Variants in ADAMTS15 observed in about 807,000 individuals in gnomAD.
ADAMTS15 encodes ADAM metallopeptidase with thrombospondin type 1 motif 15.
A neutral mutation model predicts 79.1 loss-of-function variants in ADAMTS15; 35 were observed. The ratio of observed to expected loss-of-function variants is 0.44; its 90% CI spans 0.34 to 0.59. The LOEUF is 0.59. ADAMTS15 is among the 20% of genes least tolerant of loss of function. The pLI, the probability that ADAMTS15 is intolerant of heterozygous loss-of-function variation, is 0.02. For synonymous variants in ADAMTS15, 616 were observed against 567.3 expected, an observed-to-expected ratio of 1.09 and a Z score of -1.22; for missense variants, 1,324 against 1,318.7, an observed-to-expected ratio of 1.00 and a Z score of -0.06.
At position 130,462,070 on chromosome 11, in the gene ADAMTS15, C is replaced by T. The variant is rs1421999710; in HGVS notation, c.1091-17C>T. ...TCCTTCCTCCTGCCCTCTCAGTCCT[C>T]TTGCCTTACCCCACAGGCCACGTGT... On this transcript the variant is annotated splice_polypyrimidine_tract_variant and intron_variant, in intron 2 of 7. Transcript: ENST00000299164. The surrounding 1 kb of genome is among the most constrained non-coding windows in gnomAD (Gnocchi z 4.3). 1.5e-5 allele frequency: 24 copies of T among 1,607,136 alleles called. No individual in the cohort carries two copies. The highest frequency in any genetic ancestry group is 2.0e-5 in the Non-Finnish European group (23 of 1,175,374).
intron 4 of ADAMTS15, among the ~76,000 whole-genome samples, chr11:130,463,627 A>G (rs1240345540): frequency 6.6e-6 from 1 of 152,172 alleles, no homozygotes; most frequent in South Asian, 2.1e-4. Context: ...CACATTATCA[A>G]TTGCCCTGAG....
intron 5 of ADAMTS15, among the ~76,000 whole-genome samples, chr11:130,470,158 A>ACATG (rs1203509179): frequency 2.0e-5 from 1 of 50,036 alleles, no homozygotes; most frequent in African/African-American, 1.1e-4. Flanking sequence ...ATATGTGTAT[A>ACATG]TATATATATA....
rs558950716 is a variant in ADAMTS15, at chr11:130,472,680, C to CCCTCCTCCTCCTCCT, written c.2079-353_2079-339dup. On this transcript the variant is annotated intron_variant, in intron 7 of 7. Coordinates refer to ENST00000299164, the MANE Select transcript of ADAMTS15 (RefSeq NM_139055.4). This position sits in a 1 kb window ranked among gnomAD's most constrained non-coding sequence, Gnocchi z 4.7. The stretch of plus-strand genomic sequence containing the variant: ...GGTGGACTTACTCCTCCCGCCCCAC[C>CCCTCCTCCTCCTCCT]CCTCCTCCTCCTCCTCCTCCTCCTC... Among the ~76,000 whole-genome samples, 83 of 144,440 alleles carry CCCTCCTCCTCCTCCT rather than the reference C, an allele frequency of 5.7e-4. No homozygotes were observed. The highest frequency in any genetic ancestry group is 2.2e-3 in the African/African-American group (82 of 36,792). The allele number at this position is 144,440 out of a possible 152,430, so 94.8% of individuals were successfully genotyped here.
At position 130,474,343 on chromosome 11, in the gene ADAMTS15, C is replaced by T. The variant is rs1565400592; in HGVS notation, c.*522C>T. 1 of 153,152 alleles carries T rather than the reference C, an allele frequency of 6.5e-6. No homozygotes were observed. Among genetic ancestry groups the T allele is most frequent in the Non-Finnish European group, 1.5e-5 (1 of 68,772 alleles). The allele number at this position is 153,152 out of a possible 1,614,324, so 9.5% of individuals were successfully genotyped here. A position where few individuals can be genotyped will look rare whatever the true frequency, so the allele number is the denominator to read the frequency against. On this transcript the variant is annotated 3_prime_UTR_variant, in exon 8 of 8. Transcript: ENST00000299164. ...AAGCTGGCTGGGGCTGGGCAGAAGC[C>T]ACGGGGAGAGTGAGATTAGGGCCCC...
In ADAMTS15 at chr11:130,449,752, A is replaced by G. The variant is rs368298830; in HGVS notation, c.779A>G (p.Asn260Ser). The stretch of plus-strand genomic sequence containing the variant: ...CTCTACCGCCATCCCAGCATCCTCA[A>G]CCCCATCAACATCGTTGTGGTCAAG... Reference protein sequence around the residue: ...ARLYRHPSILNPINIVVVKVL... With the variant: ...ARLYRHPSILSPINIVVVKVL... The change falls in exon 1 of 8, where the codon AAC (asparagine) becomes AGC (serine). Residue 260 changes from asparagine to serine, a missense_variant. Transcript: ENST00000299164. The surrounding 1 kb of genome is among the most constrained non-coding windows in gnomAD (Gnocchi z 7.8). 1.2e-6 allele frequency: 2 copies of G among 1,612,636 alleles called. No individual in the cohort carries two copies. Among genetic ancestry groups the G allele is most frequent in the African/African-American group, 2.7e-5 (2 of 74,886 alleles).
chr11:130,470,960 C>T lies in ADAMTS15; in HGVS notation c.1761C>T (p.Phe587=), dbSNP rs757668783. ...TCCGGGAGGAGCAGTGTGAGGCTTT[C>T]AACGGCTACAACCACAGCACCAACC... ...KSFREEQCEA[F]NGYNHSTNRL... The change falls in exon 6 of 8, where the codon TTC becomes TTT. Residue 587 remains phenylalanine (F), a synonymous_variant. Coordinates refer to ENST00000299164, the MANE Select transcript of ADAMTS15 (RefSeq NM_139055.4). The T allele has an allele frequency of 6.2e-7, 1 of 1,613,906 alleles. No homozygotes were observed. The highest frequency in any genetic ancestry group is 1.1e-5 in the South Asian group (1 of 91,082).
intron 4 of ADAMTS15, among the ~76,000 whole-genome samples, chr11:130,466,629 A>T (rs1938304879): frequency 6.6e-6 from 1 of 152,170 alleles, no homozygotes; most frequent in South Asian, 2.1e-4. Context: ...GGATTAATGC[A>T]GTTGCCTCCA....
intron 1 of ADAMTS15, among the ~76,000 whole-genome samples, chr11:130,454,729 C>G (rs1406788311): frequency 6.6e-6 from 1 of 152,084 alleles, no homozygotes. Context: ...ATGTTGGTTC[C>G]CTGTCGTGCA....
intron 5 of ADAMTS15, 111 bp downstream of exon 5, chr11:130,469,550 A>G (rs963658038): frequency 2.5e-6 from 2 of 789,218 alleles, no homozygotes; most frequent in South Asian, 6.4e-5. Flanking sequence ...TTGGGTACAC[A>G]GGTAATTCAG....
rs768710834 is a variant in ADAMTS15, at chr11:130,449,027, C to T, written c.54C>T (p.Gly18=). The T allele has an allele frequency of 2.2e-5, 33 of 1,525,404 alleles. No individual in the cohort carries two copies. The South Asian group carries it at 4.3e-4, about 20-fold the overall frequency. 94.5% of individuals were successfully genotyped at this position (1,525,404 alleles called of 1,614,324 possible). A position where few individuals can be genotyped will look rare whatever the true frequency, so the allele number is the denominator to read the frequency against. Residue 18 remains glycine (G), a synonymous_variant, in exon 1 of 8, where the codon GGC becomes GGT. Transcript: ENST00000299164. The surrounding 1 kb of genome is among the most constrained non-coding windows in gnomAD (Gnocchi z 7.8). The stretch of plus-strand genomic sequence containing the variant: ...CTTTCGCCGGGCGAACCGCTGGAGG[C>T]TCTGAGCCAGAGCGGGAGGTAGTCG... ...TLAFAGRTAG[G]SEPEREVVVP... is the part of the protein sequence containing the mutation.
chr11:130,471,070 G>T lies in ADAMTS15; in HGVS notation c.1871G>T (p.Gly624Val), dbSNP rs1481199458. 8 of 1,613,934 alleles carry T rather than the reference G, an allele frequency of 5.0e-6. No homozygotes were observed. The highest frequency in any genetic ancestry group is 6.8e-6 in the Non-Finnish European group (8 of 1,179,996). The change falls in exon 6 of 8, where the codon GGC becomes GTC. Residue 624 changes from glycine to valine, a missense_variant. Transcript: ENST00000299164. ...TGCAAGCTCATCTGCCGAGCCAATGGCACTGGCTACTTCTATGTGCTGGCA... is the reference window on the plus strand; with the variant it reads ...TGCAAGCTCATCTGCCGAGCCAATGTCACTGGCTACTTCTATGTGCTGGCA... ...DKCKLICRANGTGYFYVLAPK... is the reference protein window; with the variant it reads ...DKCKLICRANVTGYFYVLAPK...
Position 130,449,174 on chromosome 11 carries a change from C to A in ADAMTS15, c.201C>A (p.His67Gln). Reference sequence around the variant, plus strand: ...CATTTCAGGAGGACTTTTACCTACACCTGACGCCGGATGCTCAGTTCTTGG... The same window carrying A: ...CATTTCAGGAGGACTTTTACCTACAACTGACGCCGGATGCTCAGTTCTTGG... ...ITAFQEDFYLHLTPDAQFLAP... is the reference protein window; with the variant it reads ...ITAFQEDFYLQLTPDAQFLAP... The change falls in exon 1 of 8, where the codon CAC becomes CAA. Residue 67 changes from histidine to glutamine, a missense_variant. His to Gln is a conservative substitution (Grantham distance 24, BLOSUM62 0). Coordinates refer to ENST00000299164, the MANE Select transcript of ADAMTS15 (RefSeq NM_139055.4). This position sits in a 1 kb window ranked among gnomAD's most constrained non-coding sequence, Gnocchi z 7.8. The A allele has an allele frequency of 1.2e-6, 2 of 1,612,188 alleles. No individual in the cohort carries two copies. Among genetic ancestry groups the A allele is most frequent in the Non-Finnish European group, 1.7e-6 (2 of 1,178,544 alleles).
intron 4 of ADAMTS15, among the ~76,000 whole-genome samples, chr11:130,467,308 G>A (rs1172426011): frequency 1.3e-5 from 2 of 152,140 alleles, no homozygotes; most frequent in African/African-American, 2.4e-5. Flanking sequence ...AACCCACAGT[G>A]CAAGGCTCTG....
At chr11:130,458,565 G>A (rs981101812) in intron 1 of ADAMTS15, among the ~76,000 whole-genome samples, 1 of 152,218 alleles carries the variant, frequency 6.6e-6, no homozygotes, top group African/African-American at 2.4e-5. Context: ...CTCTGGGACT[G>A]GGGAAGGAGC....
At chr11:130,469,653 G>A (rs1299409870) in intron 5 of ADAMTS15, among the ~76,000 whole-genome samples, 1 of 152,208 alleles carries the variant, frequency 6.6e-6, no homozygotes, top group South Asian at 2.1e-4. Context: ...AAGTGGAGAG[G>A]TGCAGATTCT....
Position 130,473,702 on chromosome 11 carries a change from G to A in ADAMTS15, c.2734G>A (p.Gly912Arg). 6.2e-7 allele frequency: 1 copy of A among 1,601,298 alleles called. No homozygotes were observed. Among genetic ancestry groups the A allele is most frequent in the South Asian group, 1.1e-5 (1 of 91,082 alleles). Residue 912 changes from glycine (G) to arginine (R), a missense_variant, in exon 8 of 8, where the codon GGA (glycine) becomes AGA (arginine). By Grantham distance (125) the Gly-to-Arg change is moderately radical (BLOSUM62 -2). Coordinates refer to ENST00000299164, the MANE Select transcript of ADAMTS15 (RefSeq NM_139055.4). The stretch of plus-strand genomic sequence containing the variant: ...ACCCTGCTCCAAGAGCTGCGGCCGG[G>A]GATTTCAGAGGCGCTCACTCAAGTG... Reference protein sequence around the residue: ...WSPCSKSCGRGFQRRSLKCVG... With the variant: ...WSPCSKSCGRRFQRRSLKCVG...
chr11:130,465,854 TTTTTC>T (rs925588161), intron 4 of ADAMTS15, among the ~76,000 whole-genome samples: 13 of 148,564 alleles, frequency 8.8e-5, no homozygotes, highest in African/African-American at 3.2e-4. Context: ...CTCATTTTCT[TTTTTC>T]TTTTCTTTTC....
In ADAMTS15 at chr11:130,469,324, C is replaced by A. The variant is rs759327428; in HGVS notation, c.1605C>A (p.Gly535=). The A allele has an allele frequency of 1.4e-6, 2 of 1,389,878 alleles. No homozygotes were observed. Among genetic ancestry groups the A allele is most frequent in the South Asian group, 1.9e-5 (1 of 52,140 alleles). 86.1% of individuals were successfully genotyped at this position (1,389,878 alleles called of 1,614,324 possible). Residue 535 remains glycine, a synonymous_variant, in exon 5 of 8, where the codon GGC becomes GGA. Coordinates refer to ENST00000299164, the MANE Select transcript of ADAMTS15 (RefSeq NM_139055.4). The part of the protein sequence containing the change: ...YGPCSRTCGG[G]VQLARRQCTN... ...CCTGCTCGCGCACATGTGGTGGGGG[C>A]GTGCAGCTGGCCAGGAGGCAGTGCA... is the stretch of plus-strand genomic sequence containing the variant.
chr11:130,471,261 C>A lies in ADAMTS15; in HGVS notation c.1956C>A (p.Gly652=), dbSNP rs753078991. 3 of 1,612,368 alleles carry A rather than the reference C, an allele frequency of 1.9e-6. No homozygotes were observed. The highest frequency in any genetic ancestry group is 8.5e-7 in the Non-Finnish European group (1 of 1,179,564). The change falls in exon 7 of 8, where the codon GGC becomes GGA. Residue 652 remains glycine (G), a synonymous_variant. Transcript: ENST00000299164. ...SPDSTSVCVQ[G]KCIKAGCDGN... The stretch of plus-strand genomic sequence containing the variant: ...ACTCCACCTCCGTCTGTGTCCAAGG[C>A]AAGTGCATCAAGGCTGGCTGTGATG...
Sources: gnomAD v4.1 joint callset for allele counts (sites outside exome capture counted in the v4.1 genomes callset) on GRCh38, gnomAD v4.1.1 for gene constraint, Gnocchi (gnomAD v3.1) non-coding constraint, MANE v1.5 for transcripts, NCBI Gene and HGNC (gene_info 2026-07-23, HGNC 2026-07-21) for gene names.